Variants in LY96 observed in about 807,000 individuals in gnomAD.
LY96 encodes the protein lymphocyte antigen 96.
Under a neutral mutation model 18.9 loss-of-function variants are expected in LY96, and 18 were observed. The ratio of observed to expected loss-of-function variants is 0.95; its 90% CI spans 0.66 to 1.41. The LOEUF (loss-of-function observed/expected upper bound fraction) is 1.41. Among genes scored for constraint, LY96 ranks in the 40% most tolerant of loss-of-function variants. The probability of loss-of-function intolerance (pLI) is 0.00; values close to 1 mark genes in which losing one functional copy is unlikely to be tolerated. For synonymous variants in LY96, 66 were observed against 62.6 expected (o/e 1.06, Z -0.26); for missense variants, 175 against 182.4 (o/e 0.96, Z 0.23).
At chr8:74,020,225 C>T (rs1302954113) in intron 3 of LY96, among the ~76,000 whole-genome samples, 1 of 152,220 alleles carries the variant, frequency 6.6e-6, no homozygotes, top group Non-Finnish European at 1.5e-5. Flanking sequence ...AGCAAAGTCT[C>T]AGGATATAAA....
the LY96 span, among the ~76,000 whole-genome samples, chr8:74,062,019 C>G: frequency 6.6e-6 from 1 of 152,122 alleles, no homozygotes; most frequent in South Asian, 2.1e-4. Flanking sequence ...ATGAGCATGC[C>G]CATGTAACCA....
chr8:74,063,077 C>T, the LY96 span, among the ~76,000 whole-genome samples: 1 of 152,176 alleles, frequency 6.6e-6, no homozygotes. Context: ...GCTGGGTCAT[C>T]TGAAGGCTTG....
At chr8:74,059,945 C>G in the LY96 span, among the ~76,000 whole-genome samples, 1 of 152,172 alleles carries the variant, frequency 6.6e-6, no homozygotes, top group African/African-American at 2.4e-5. Context: ...TTGAGACCAG[C>G]CTGGGCAACG....
At chr8:74,005,641 G>A (rs967677432) in intron 2 of LY96, among the ~76,000 whole-genome samples, 11 of 152,172 alleles carry the variant, frequency 7.2e-5, no homozygotes, top group Non-Finnish European at 1.3e-4. Flanking sequence ...AAGGCCATGT[G>A]TTTTGTTTTG....
At chr8:74,003,779 C>T (rs56343979) in intron 1 of LY96, among the ~76,000 whole-genome samples, 45,058 of 152,080 alleles carry the variant, frequency 0.3, 6,926 homozygotes, top group Admixed American at 0.36. Flanking sequence ...CTGGGCCTTG[C>T]CTGCTACTGC....
intron 1 of LY96, among the ~76,000 whole-genome samples, chr8:73,997,822 G>A (rs563752960): frequency 1.3e-5 from 2 of 152,240 alleles, no homozygotes; most frequent in African/African-American, 2.4e-5. Flanking sequence ...GGATACAGAC[G>A]AATAGCCAGA....
At chr8:74,059,863 C>T in the LY96 span, among the ~76,000 whole-genome samples, 296 of 152,318 alleles carry the variant, frequency 1.9e-3, no homozygotes, top group African/African-American at 6.6e-3. Flanking sequence ...TTTGCTTGGG[C>T]GCAGTGGCTC....
At chr8:74,040,470 T>A in the LY96 span, among the ~76,000 whole-genome samples, 4 of 152,166 alleles carry the variant, frequency 2.6e-5, no homozygotes, top group Non-Finnish European at 5.9e-5. Flanking sequence ...TAGTTTGAGG[T>A]CTTAGATTTG....
At chr8:73,993,302 G>C (rs1017484907) in intron 1 of LY96, among the ~76,000 whole-genome samples, 10 of 151,394 alleles carry the variant, frequency 6.6e-5, no homozygotes, top group Non-Finnish European at 1.5e-4. Context: ...TTTGAGACAG[G>C]GTTTTGCTCT....
downstream of LY96, among the ~76,000 whole-genome samples, chr8:74,031,682 A>G (rs546718483): frequency 1.7e-3 from 263 of 151,986 alleles, 2 homozygotes; most frequent in South Asian, 0.012. Context: ...ACTATTTAAG[A>G]GTTGCTTTAG....
the LY96 span, among the ~76,000 whole-genome samples, chr8:74,083,365 C>T: frequency 6.6e-6 from 1 of 152,078 alleles, no homozygotes; most frequent in Admixed American, 6.6e-5. Context: ...CAGGCGCCCG[C>T]CACCACACCT....
chr8:74,053,380 T>G, the LY96 span, among the ~76,000 whole-genome samples: 4 of 152,210 alleles, frequency 2.6e-5, no homozygotes, highest in Non-Finnish European at 4.4e-5. Context: ...AAATAAAAAT[T>G]GAAGCAAGTC....
the LY96 span, among the ~76,000 whole-genome samples, chr8:74,038,016 A>G: frequency 6.6e-6 from 1 of 152,156 alleles, no homozygotes; most frequent in East Asian, 1.9e-4. Context: ...TTAATTTTTA[A>G]TTCTTATGGG....
At chr8:74,002,793 A>G (rs1388422825) in intron 1 of LY96, among the ~76,000 whole-genome samples, 2 of 151,986 alleles carry the variant, frequency 1.3e-5, no homozygotes. Flanking sequence ...AGGCTGTTCT[A>G]GAACTCCTGA....
chr8:74,059,521 A>G, the LY96 span, among the ~76,000 whole-genome samples: 7 of 152,378 alleles, frequency 4.6e-5, no homozygotes, highest in East Asian at 1.3e-3. Context: ...GGAACAGATT[A>G]TATTTATAGG....
the LY96 span, among the ~76,000 whole-genome samples, chr8:74,038,782 G>A: frequency 2.6e-5 from 4 of 152,212 alleles, no homozygotes; most frequent in South Asian, 2.1e-4. Context: ...CATTTTTGTC[G>A]CTTTCAAATC....
chr8:74,098,376 C>A, the LY96 span, among the ~76,000 whole-genome samples: 2 of 152,202 alleles, frequency 1.3e-5, no homozygotes, highest in East Asian at 3.9e-4. Context: ...CTTATTCTGT[C>A]TTTTTATATT....
intron 3 of LY96, among the ~76,000 whole-genome samples, chr8:74,020,243 G>A (rs59828163): frequency 0.023 from 3,543 of 152,178 alleles, 131 homozygotes; most frequent in African/African-American, 0.079. Flanking sequence ...AAAATAATGT[G>A]CAAAAATCAC....
chr8:74,021,755 G>A (rs906289934), intron 3 of LY96, among the ~76,000 whole-genome samples: 5 of 152,150 alleles, frequency 3.3e-5, no homozygotes, highest in South Asian at 2.1e-4. Flanking sequence ...AAAACGATGA[G>A]TTCATGTCCT....
Sources: allele counts gnomAD v4.1 joint callset (sites outside exome capture counted in the v4.1 genomes callset), GRCh38; gene constraint gnomAD v4.1.1; transcripts MANE v1.5; gene names NCBI Gene and HGNC (gene_info 2026-07-23, HGNC 2026-07-21).